Variants in CLIP1 observed in about 807,000 individuals in gnomAD.
The protein encoded by CLIP1 is CAP-Gly domain-containing linker protein 1.
Under a neutral mutation model 161.6 loss-of-function variants are expected in CLIP1, and 66 were observed. The ratio of observed to expected loss-of-function variants is 0.41; its 90% CI spans 0.33 to 0.50. CLIP1 has a LOEUF of 0.50. CLIP1 is among the 20% of genes least tolerant of loss of function. The pLI, the probability that CLIP1 is intolerant of heterozygous loss-of-function variation, is 0.27. For missense variants in CLIP1, 1,376 were observed against 1,702.0 expected, an observed-to-expected ratio of 0.81 and a Z score of 3.37; for synonymous variants, 598 against 626.2, an observed-to-expected ratio of 0.96 and a Z score of 0.67.
chr12:122,396,764 GTTGT>G (rs971079096), intron 1 of CLIP1: 9 of 150,796 alleles, frequency 6.0e-5, no homozygotes, highest in East Asian at 3.9e-4. Context: ...CTTTTTTGTT[GTTGT>G]TTATTTTTTT....
chr12:122,325,102 A>G (rs182210619), intron 17 of CLIP1, among the ~76,000 whole-genome samples: 2 of 145,958 alleles, frequency 1.4e-5, no homozygotes, highest in Admixed American at 1.4e-4. Context: ...TCTATTGCCC[A>G]GGCTGGAGTG....
intron 8 of CLIP1, among the ~76,000 whole-genome samples, chr12:122,352,355 C>A (rs767992887): frequency 9.9e-5 from 15 of 152,160 alleles, no homozygotes; most frequent in Non-Finnish European, 1.5e-4. Context: ...CCGCACCCGG[C>A]CTGTTATGGA....
rs1466119431 is a variant in CLIP1 at position 122,272,830 on chromosome 12, A to G, written c.*45T>C. 7.2e-6 allele frequency: 11 copies of G among 1,527,814 alleles called. No homozygotes were observed. In the East Asian group the frequency reaches 2.5e-4, roughly 34 times the overall value. 94.6% of individuals were successfully genotyped at this position (1,527,814 alleles called of 1,614,324 possible). ...ACAATGCTGGTGTTACGTTGTGTCA[A>G]TGCGAGTGCGTCTGAGCAAGCCCAG... On this transcript the variant is annotated 3_prime_UTR_variant, in exon 26 of 26. Coordinates refer to ENST00000620786, the MANE Select transcript of CLIP1 (RefSeq NM_001247997.2).
At chr12:122,317,603 C>T (rs1174141363) in intron 18 of CLIP1, among the ~76,000 whole-genome samples, 1 of 152,162 alleles carries the variant, frequency 6.6e-6, no homozygotes, top group Non-Finnish European at 1.5e-5. Flanking sequence ...GATGGTAGCT[C>T]ATGTGGGCCT....
chr12:122,293,887 C>G (rs1316244788), intron 20 of CLIP1, among the ~76,000 whole-genome samples: 1 of 150,608 alleles, frequency 6.6e-6, no homozygotes, highest in African/African-American at 2.5e-5. Context: ...TCACTGCAAG[C>G]TCTGCCTCCC....
At chr12:122,319,437 C>G in intron 17 of CLIP1, 89 bp from the exon 18 acceptor site, 1 of 950,206 alleles carries the variant, frequency 1.1e-6, no homozygotes, top group Non-Finnish European at 1.7e-6. Flanking sequence ...AGGCAGCACT[C>G]AGTGTCTGTG....
chr12:122,389,497 G>A (rs1028470307), intron 1 of CLIP1, among the ~76,000 whole-genome samples: 4 of 152,094 alleles, frequency 2.6e-5, no homozygotes, highest in African/African-American at 7.2e-5. Context: ...GGTGGCTCAC[G>A]CCTGTAATCC....
intron 1 of CLIP1, among the ~76,000 whole-genome samples, chr12:122,390,279 C>CATATATATATATATATAT (rs1179187571): frequency 1.4e-4 from 11 of 78,974 alleles, no homozygotes; most frequent in Non-Finnish European, 2.2e-4. Flanking sequence ...TATATATATA[C>CATATATATATATATATAT]ATATATATAT....
At chr12:122,349,755 A>T (rs1414919766) in intron 9 of CLIP1, among the ~76,000 whole-genome samples, 1 of 152,254 alleles carries the variant, frequency 6.6e-6, no homozygotes, top group African/African-American at 2.4e-5. Flanking sequence ...GCAGGGGGGA[A>T]ATCCCATGCA....
At position 122,341,659 on chromosome 12, in the gene CLIP1, C is replaced by A. The variant is rs749160170; in HGVS notation, c.1545G>T (p.Leu515=). The A allele has an allele frequency of 1.2e-6, 2 of 1,607,360 alleles. No individual in the cohort carries two copies. Among genetic ancestry groups the A allele is most frequent in the Non-Finnish European group, 1.7e-6 (2 of 1,178,010 alleles). ...TVSEKSRIME[L]EKDLALRVQE... The stretch of plus-strand genomic sequence containing the variant: ...GTACTCTCAATGCTAGGTCTTTCTC[C>A]AGTTCCATTATACGTGACTTTTCTG... Residue 515 remains leucine, a synonymous_variant, in exon 11 of 26, where the codon CTG becomes CTT. Coordinates refer to ENST00000620786, the MANE Select transcript of CLIP1 (RefSeq NM_001247997.2).
chr12:122,320,481 C>T (rs1394576446), intron 17 of CLIP1, among the ~76,000 whole-genome samples: 1 of 151,762 alleles, frequency 6.6e-6, no homozygotes, highest in East Asian at 2.0e-4. Flanking sequence ...GTGGCTCATG[C>T]CTGTAATCCT....
intron 5 of CLIP1, among the ~76,000 whole-genome samples, chr12:122,357,686 T>TG (rs1233929323): frequency 2.3e-4 from 29 of 126,040 alleles, no homozygotes; most frequent in East Asian, 5.2e-4. Context: ...GGGAGGGAGA[T>TG]GGGGGGGTCA....
chr12:122,347,101 TAC>T (rs1444334038), intron 10 of CLIP1, among the ~76,000 whole-genome samples: 2 of 152,234 alleles, frequency 1.3e-5, no homozygotes, highest in African/African-American at 4.8e-5. Flanking sequence ...TAACTTCAAA[TAC>T]AGTTATATCC....
intron 24 of CLIP1, 115 bp downstream of exon 24, chr12:122,278,039 C>T: frequency 1.1e-6 from 1 of 877,780 alleles, no homozygotes; most frequent in Non-Finnish European, 1.8e-6. Context: ...GAATGCATTA[C>T]CAATTCAAAA....
chr12:122,345,500 T>C (rs1952704184), intron 10 of CLIP1, among the ~76,000 whole-genome samples: 1 of 151,730 alleles, frequency 6.6e-6, no homozygotes, highest in South Asian at 2.1e-4. Context: ...ACAGGAGAAA[T>C]CTTTAGTTCA....
intron 1 of CLIP1, among the ~76,000 whole-genome samples, chr12:122,404,685 GGATC>G (rs1956259547): frequency 1.2e-5 from 1 of 84,144 alleles, no homozygotes; most frequent in African/African-American, 4.2e-5. Flanking sequence ...TCACGAGGTC[GGATC>G]CATCAAGACC....
intron 21 of CLIP1, among the ~76,000 whole-genome samples, chr12:122,284,415 C>T (rs947698958): frequency 5.9e-5 from 9 of 151,560 alleles, no homozygotes; most frequent in Non-Finnish European, 1.3e-4. Flanking sequence ...TGCAATGGCG[C>T]GATCTCGGCG....
intron 20 of CLIP1, among the ~76,000 whole-genome samples, chr12:122,304,124 T>C (rs948825099): frequency 2.0e-5 from 3 of 152,334 alleles, no homozygotes; most frequent in African/African-American, 7.2e-5. Flanking sequence ...TTCCCACCGT[T>C]GGTAAAATCC....
intron 21 of CLIP1, among the ~76,000 whole-genome samples, chr12:122,282,807 C>T (rs1038554502): frequency 3.3e-5 from 5 of 152,002 alleles, no homozygotes; most frequent in African/African-American, 7.3e-5. Context: ...TTTATTATAA[C>T]GTGGATAGAC....
Sources: gnomAD v4.1 joint callset for allele counts (sites outside exome capture counted in the v4.1 genomes callset) on GRCh38, gnomAD v4.1.1 for gene constraint, MANE v1.5 for transcripts, NCBI Gene and HGNC (gene_info 2026-07-23, HGNC 2026-07-21) for gene names.